The following B3GALT4 variants were observed in gnomAD, a reference collection of about 807,000 sequenced individuals.
B3GALT4 encodes UDP-Gal:betaGlcNAc beta 1,3-galactosyltransferase 4.
In B3GALT4, 1 loss-of-function variant was observed where a neutral mutation model predicts 1.6. The observed-to-expected ratio is 0.64, with a 90% CI of 0.23 to 3.05. The LOEUF (loss-of-function observed/expected upper bound fraction) is 3.05, where lower values mean the gene tolerates loss of function less well. Among genes scored for constraint, B3GALT4 ranks in the 30% most tolerant of loss-of-function variants. The pLI, the probability that B3GALT4 is intolerant of heterozygous loss-of-function variation, is 0.21. For missense variants in B3GALT4, 441 were observed against 486.9 expected (o/e 0.91, Z 0.89); for synonymous variants, 259 against 222.6 (o/e 1.16, Z -1.46).
chr6:33,278,236 G>C lies in B3GALT4; in HGVS notation c.817G>C (p.Ala273Pro), dbSNP rs1765802970. The C allele has an allele frequency of 1.2e-6, 2 of 1,612,730 alleles. No individual in the cohort carries two copies. Among genetic ancestry groups the C allele is most frequent in the Non-Finnish European group, 1.7e-6 (2 of 1,180,020 alleles). The change falls in exon 1 of 1, where the codon GCT (alanine) becomes CCT (proline). Residue 273 changes from alanine (A) to proline (P), a missense_variant. Transcript: ENST00000451237. This position sits in a 1 kb window ranked among gnomAD's most constrained non-coding sequence, Gnocchi z 5.2. ...SGTGYVLSASAVQLILKVASR... is the reference protein window; with the variant it reads ...SGTGYVLSASPVQLILKVASR... ...CACGGGGTATGTGCTGTCAGCGTCTGCTGTGCAGCTCATTCTCAAGGTGGC... is the reference window on the plus strand; with the variant it reads ...CACGGGGTATGTGCTGTCAGCGTCTCCTGTGCAGCTCATTCTCAAGGTGGC...
Position 33,278,180 on chromosome 6 carries a change from C to G in B3GALT4, c.761C>G (p.Thr254Ser). Residue 254 changes from threonine (T) to serine (S), a missense_variant, in exon 1 of 1, where the codon ACC (threonine) becomes AGC (serine). Thr to Ser is a moderately conservative substitution (Grantham distance 58). Coordinates refer to ENST00000451237, the MANE Select transcript of B3GALT4 (RefSeq NM_003782.4). This position sits in a 1 kb window ranked among gnomAD's most constrained non-coding sequence, Gnocchi z 5.2. ...HRVSEEQWPH[T>S]WGPFPPYASG... ...GTATCAGAGGAGCAGTGGCCTCACA[C>G]CTGGGGCCCCTTTCCACCCTATGCC... 1 of 1,612,542 alleles carries G rather than the reference C, an allele frequency of 6.2e-7. No individual in the cohort carries two copies. Among genetic ancestry groups the G allele is most frequent in the Non-Finnish European group, 8.5e-7 (1 of 1,179,932 alleles).
In B3GALT4 at chr6:33,277,972, C is replaced by A. The variant is rs1237283906; in HGVS notation, c.553C>A (p.Leu185Met). ...TGATGTGTATGTCAACGTCCCTGAA[C>A]TGGTATCAGAGCTGGTCTTGCGAGG... ...DDDVYVNVPELVSELVLRGGR... is the reference protein window; with the variant it reads ...DDDVYVNVPEMVSELVLRGGR... The change falls in exon 1 of 1, where the codon CTG becomes ATG. Residue 185 changes from leucine to methionine, a missense_variant. Physicochemically the swap from Leu to Met is conservative, Grantham distance 15. Coordinates refer to ENST00000451237, the MANE Select transcript of B3GALT4 (RefSeq NM_003782.4). The surrounding 1 kb of genome is among the most constrained non-coding windows in gnomAD (Gnocchi z 5.3). The A allele has an allele frequency of 1.2e-6, 2 of 1,614,196 alleles. No individual in the cohort carries two copies. The highest frequency in any genetic ancestry group is 3.3e-5 in the Admixed American group (2 of 60,038).
In B3GALT4 at chr6:33,277,247, C is replaced by T. The variant is rs1227322977; in HGVS notation, c.-173C>T. On this transcript the variant is annotated 5_prime_UTR_variant, in exon 1 of 1. Transcript: ENST00000451237. This position sits in a 1 kb window ranked among gnomAD's most constrained non-coding sequence, Gnocchi z 5.3. ...AGCCACCCCCGCAGCATGCCTCGAC[C>T]GCGGTCCGCAGCTGCACCGCCTCTC... The T allele has an allele frequency of 1.7e-6, 2 of 1,205,118 alleles. No homozygotes were observed. Among genetic ancestry groups the T allele is most frequent in the Non-Finnish European group, 1.1e-6 (1 of 900,194 alleles). The allele number at this position is 1,205,118 out of a possible 1,614,324, so 74.7% of individuals were successfully genotyped here. A position where few individuals can be genotyped will look rare whatever the true frequency, so the allele number is the denominator to read the frequency against.
In B3GALT4 at chr6:33,278,339, A is replaced by C. The variant is rs748229218; in HGVS notation, c.920A>C (p.Gln307Pro). Residue 307 changes from glutamine to proline, a missense_variant, in exon 1 of 1, where the codon CAG (glutamine) becomes CCG (proline). Transcript: ENST00000451237. The surrounding 1 kb of genome is among the most constrained non-coding windows in gnomAD (Gnocchi z 5.2). ...SARRGGLAPT[Q>P]CVKLAGATHY... ...CGACGAGGAGGCCTCGCCCCAACACAGTGTGTCAAGCTGGCTGGTGCCACC... is the reference window on the plus strand; with the variant it reads ...CGACGAGGAGGCCTCGCCCCAACACCGTGTGTCAAGCTGGCTGGTGCCACC... The C allele has an allele frequency of 6.2e-7, 1 of 1,609,932 alleles. No individual in the cohort carries two copies. Among genetic ancestry groups the C allele is most frequent in the Non-Finnish European group, 8.5e-7 (1 of 1,177,282 alleles).
rs993522064 is a variant in B3GALT4 at position 33,278,465 on chromosome 6, C to T, written c.1046C>T (p.Ser349Phe). 3 of 1,610,042 alleles carry T rather than the reference C, an allele frequency of 1.9e-6. No individual in the cohort carries two copies. Among genetic ancestry groups the T allele is most frequent in the Non-Finnish European group, 2.5e-6 (3 of 1,177,696 alleles). ...GAAGCCTGGAAGCTGGTGGGTGGCT[C>T]TGACGGGGAAAGGACTGCGCCCTTT... Reference protein sequence around the residue: ...MQEAWKLVGGSDGERTAPFCS... With the variant: ...MQEAWKLVGGFDGERTAPFCS... The change falls in exon 1 of 1, where the codon TCT (serine) becomes TTT (phenylalanine). Residue 349 changes from serine (S) to phenylalanine (F), a missense_variant. By Grantham distance (155) the Ser-to-Phe change is radical. Transcript: ENST00000451237. The surrounding 1 kb of genome is among the most constrained non-coding windows in gnomAD (Gnocchi z 5.2).
At position 33,277,141 on chromosome 6, in the gene B3GALT4, A is replaced by C; in HGVS notation, c.-279A>C. The C allele has an allele frequency of 2.5e-6, 1 of 393,894 alleles. No individual in the cohort carries two copies. Among genetic ancestry groups the C allele is most frequent in the Non-Finnish European group, 4.4e-6 (1 of 227,282 alleles). The allele number at this position is 393,894 out of a possible 1,614,324, so 24.4% of individuals were successfully genotyped here. ...GGGCGGCAGACCGGCCGCCGGGGCG[A>C]GGCGGGGGAGGGGCCGTGAGTGCCG... On this transcript the variant is annotated 5_prime_UTR_variant, in exon 1 of 1. Transcript: ENST00000451237. The surrounding 1 kb of genome is among the most constrained non-coding windows in gnomAD (Gnocchi z 5.3).
chr6:33,277,278 C>T lies in B3GALT4; in HGVS notation c.-142C>T, dbSNP rs1251929333. On this transcript the variant is annotated 5_prime_UTR_variant, in exon 1 of 1. Coordinates refer to ENST00000451237, the MANE Select transcript of B3GALT4 (RefSeq NM_003782.4). This position sits in a 1 kb window ranked among gnomAD's most constrained non-coding sequence, Gnocchi z 5.3. ...CCGCAGCTGCACCGCCTCTCCCCGC[C>T]CCCCAGGGTGCGCTGGTCCCGGTCG... 2 of 1,441,450 alleles carry T rather than the reference C, an allele frequency of 1.4e-6. No individual in the cohort carries two copies. The highest frequency in any genetic ancestry group is 2.5e-5 in the Admixed American group (1 of 39,288). 89.3% of individuals were successfully genotyped at this position (1,441,450 alleles called of 1,614,324 possible). A position where few individuals can be genotyped will look rare whatever the true frequency, so the allele number is the denominator to read the frequency against.
chr6:33,277,541 T>C lies in B3GALT4; in HGVS notation c.122T>C (p.Leu41Pro). The change falls in exon 1 of 1, where the codon CTC becomes CCC. Residue 41 changes from leucine to proline, a missense_variant. Physicochemically the swap from Leu to Pro is moderately conservative, Grantham distance 98. Coordinates refer to ENST00000451237, the MANE Select transcript of B3GALT4 (RefSeq NM_003782.4). This position sits in a 1 kb window ranked among gnomAD's most constrained non-coding sequence, Gnocchi z 5.3. ...ELLSLSLASL[L>P]PAPASPGPPL... Reference sequence around the variant, plus strand: ...CTGAGCCTCTCACTAGCCTCCCTGCTCCCAGCCCCCGCCTCACCGGGGCCG... The same window carrying C: ...CTGAGCCTCTCACTAGCCTCCCTGCCCCCAGCCCCCGCCTCACCGGGGCCG... 1 of 1,611,628 alleles carries C rather than the reference T, an allele frequency of 6.2e-7. No homozygotes were observed. The highest frequency in any genetic ancestry group is 1.7e-4 in the Middle Eastern group (1 of 5,968).
Position 33,278,165 on chromosome 6 carries a change from A to G in B3GALT4, c.746A>G (p.Glu249Gly), listed in dbSNP as rs1351778568. The G allele has an allele frequency of 6.2e-7, 1 of 1,612,932 alleles. No homozygotes were observed. Among genetic ancestry groups the G allele is most frequent in the African/African-American group, 1.3e-5 (1 of 74,884 alleles). The change falls in exon 1 of 1, where the codon GAG becomes GGG. Residue 249 changes from glutamate to glycine, a missense_variant. Coordinates refer to ENST00000451237, the MANE Select transcript of B3GALT4 (RefSeq NM_003782.4). This position sits in a 1 kb window ranked among gnomAD's most constrained non-coding sequence, Gnocchi z 5.2. ...GGGGGCAGGCACCGCGTATCAGAGG[A>G]GCAGTGGCCTCACACCTGGGGCCCC... Reference protein sequence around the residue: ...TPGGRHRVSEEQWPHTWGPFP... With the variant: ...TPGGRHRVSEGQWPHTWGPFP...
In B3GALT4 at chr6:33,278,701, G is replaced by A; in HGVS notation, c.*145G>A. On this transcript the variant is annotated 3_prime_UTR_variant, in exon 1 of 1. Coordinates refer to ENST00000451237, the MANE Select transcript of B3GALT4 (RefSeq NM_003782.4). The surrounding 1 kb of genome is among the most constrained non-coding windows in gnomAD (Gnocchi z 5.2). ...AGACAGCGATATGGGAGACACCCAG[G>A]GGCCTGGCCCGCCAGCCCAAAAGAT... The A allele has an allele frequency of 7.6e-7, 1 of 1,322,526 alleles. No individual in the cohort carries two copies. Among genetic ancestry groups the A allele is most frequent in the Non-Finnish European group, 9.8e-7 (1 of 1,024,778 alleles). The allele number at this position is 1,322,526 out of a possible 1,614,324, so 81.9% of individuals were successfully genotyped here.
In B3GALT4 at chr6:33,278,217, G is replaced by A. The variant is rs755413867; in HGVS notation, c.798G>A (p.Gly266=). 2.5e-5 allele frequency: 40 copies of A among 1,612,130 alleles called. No individual in the cohort carries two copies. Among genetic ancestry groups the A allele is most frequent in the Admixed American group, 1.0e-4 (6 of 60,010 alleles). The change falls in exon 1 of 1, where the codon GGG becomes GGA. Residue 266 remains glycine (G), a synonymous_variant. Transcript: ENST00000451237. This position sits in a 1 kb window ranked among gnomAD's most constrained non-coding sequence, Gnocchi z 5.2. ...TTCCACCCTATGCCTCAGGCACGGG[G>A]TATGTGCTGTCAGCGTCTGCTGTGC... ...GPFPPYASGT[G]YVLSASAVQL...
rs1424845342 is a variant in B3GALT4, at chr6:33,278,136, A to T, written c.717A>T (p.Thr239=). The part of the protein sequence containing the change: ...RVHWRVNPSR[T]PGGRHRVSEE... Reference sequence around the variant, plus strand: ...ACTGGCGCGTGAACCCCTCTCGGACACCGGGGGGCAGGCACCGCGTATCAG... The same window carrying T: ...ACTGGCGCGTGAACCCCTCTCGGACTCCGGGGGGCAGGCACCGCGTATCAG... Residue 239 remains threonine, a synonymous_variant, in exon 1 of 1, where the codon ACA becomes ACT. Coordinates refer to ENST00000451237, the MANE Select transcript of B3GALT4 (RefSeq NM_003782.4). This position sits in a 1 kb window ranked among gnomAD's most constrained non-coding sequence, Gnocchi z 5.2. 3.7e-6 allele frequency: 6 copies of T among 1,613,640 alleles called. No homozygotes were observed. Among genetic ancestry groups the T allele is most frequent in the Non-Finnish European group, 5.1e-6 (6 of 1,179,948 alleles).
In B3GALT4 at chr6:33,277,418, C is replaced by A; in HGVS notation, c.-2C>A. The A allele has an allele frequency of 3.7e-6, 6 of 1,610,378 alleles. No individual in the cohort carries two copies. Among genetic ancestry groups the A allele is most frequent in the Non-Finnish European group, 5.1e-6 (6 of 1,179,704 alleles). On this transcript the variant is annotated 5_prime_UTR_variant, in exon 1 of 1. Coordinates refer to ENST00000451237, the MANE Select transcript of B3GALT4 (RefSeq NM_003782.4). The surrounding 1 kb of genome is among the most constrained non-coding windows in gnomAD (Gnocchi z 5.3). Reference sequence around the variant, plus strand: ...ACGGATCCCCTCGGAGTACGCCGCACCATGCAGCTCAGGCTCTTCCGGCGC... The same window carrying A: ...ACGGATCCCCTCGGAGTACGCCGCAACATGCAGCTCAGGCTCTTCCGGCGC...
chr6:33,278,735 G>A lies in B3GALT4; in HGVS notation c.*179G>A. On this transcript the variant is annotated 3_prime_UTR_variant, in exon 1 of 1. Transcript: ENST00000451237. This position sits in a 1 kb window ranked among gnomAD's most constrained non-coding sequence, Gnocchi z 5.2. ...CCGCCAGCCCAAAAGATGGTCATCG[G>A]GAAGAGAAAAAGAAAAAAATGCTGC... 8.4e-7 allele frequency: 1 copy of A among 1,196,768 alleles called. No homozygotes were observed. The highest frequency in any genetic ancestry group is 1.1e-6 in the Non-Finnish European group (1 of 916,698). 74.1% of individuals were successfully genotyped at this position (1,196,768 alleles called of 1,614,324 possible).
At position 33,277,975 on chromosome 6, in the gene B3GALT4, G is replaced by A. The variant is rs751760900; in HGVS notation, c.556G>A (p.Val186Ile). 1 of 1,614,204 alleles carries A rather than the reference G, an allele frequency of 6.2e-7. No individual in the cohort carries two copies. Among genetic ancestry groups the A allele is most frequent in the South Asian group, 1.1e-5 (1 of 91,088 alleles). ...DDVYVNVPEL[V>I]SELVLRGGRW... is the part of the protein sequence containing the mutation. ...TGTGTATGTCAACGTCCCTGAACTG[G>A]TATCAGAGCTGGTCTTGCGAGGGGG... Residue 186 changes from valine (V) to isoleucine (I), a missense_variant, in exon 1 of 1, where the codon GTA becomes ATA. Physicochemically the swap from Val to Ile is conservative, Grantham distance 29 (BLOSUM62 3). Transcript: ENST00000451237. This position sits in a 1 kb window ranked among gnomAD's most constrained non-coding sequence, Gnocchi z 5.3.
chr6:33,277,234 A>G lies in B3GALT4; in HGVS notation c.-186A>G, dbSNP rs890051670. 1.9e-6 allele frequency: 2 copies of G among 1,040,662 alleles called. No individual in the cohort carries two copies. Among genetic ancestry groups the G allele is most frequent in the South Asian group, 1.8e-5 (1 of 56,738 alleles). 64.5% of individuals were successfully genotyped at this position (1,040,662 alleles called of 1,614,324 possible). On this transcript the variant is annotated 5_prime_UTR_variant, in exon 1 of 1. Coordinates refer to ENST00000451237, the MANE Select transcript of B3GALT4 (RefSeq NM_003782.4). This position sits in a 1 kb window ranked among gnomAD's most constrained non-coding sequence, Gnocchi z 5.3. Reference sequence around the variant, plus strand: ...GCGGCGACAAGGTAGCCACCCCCGCAGCATGCCTCGACCGCGGTCCGCAGC... The same window carrying G: ...GCGGCGACAAGGTAGCCACCCCCGCGGCATGCCTCGACCGCGGTCCGCAGC...
chr6:33,277,806 C>G lies in B3GALT4; in HGVS notation c.387C>G (p.Ala129=). 1 of 1,613,762 alleles carries G rather than the reference C, an allele frequency of 6.2e-7. No individual in the cohort carries two copies. Among genetic ancestry groups the G allele is most frequent in the African/African-American group, 1.3e-5 (1 of 75,052 alleles). ...GGGGTTCCCAGGGGAGTGACCTGGC[C>G]TCGGAGTCAGCAGCCCAGGGGGATA... ...PVWGSQGSDL[A]SESAAQGDIL... The change falls in exon 1 of 1, where the codon GCC becomes GCG. Residue 129 remains alanine, a synonymous_variant. Transcript: ENST00000451237. The surrounding 1 kb of genome is among the most constrained non-coding windows in gnomAD (Gnocchi z 5.3).
rs773048290 is a variant in B3GALT4 at position 33,277,925 on chromosome 6, G to A, written c.506G>A (p.Arg169Gln). The A allele has an allele frequency of 1.9e-6, 3 of 1,614,204 alleles. No individual in the cohort carries two copies. Among genetic ancestry groups the A allele is most frequent in the South Asian group, 2.2e-5 (2 of 91,080 alleles). ...GCTGAGAAACACTGCCCCATGGCCC[G>A]ATACGTCCTCAAGACGGACGATGAT... The part of the protein sequence containing the change: ...NWAEKHCPMA[R>Q]YVLKTDDDVY... The change falls in exon 1 of 1, where the codon CGA becomes CAA. Residue 169 changes from arginine (R) to glutamine (Q), a missense_variant. Transcript: ENST00000451237. This position sits in a 1 kb window ranked among gnomAD's most constrained non-coding sequence, Gnocchi z 5.3.
At position 33,277,441 on chromosome 6, in the gene B3GALT4, C is replaced by G. The variant is rs1050202582; in HGVS notation, c.22C>G (p.Arg8Gly). The change falls in exon 1 of 1, where the codon CGC (arginine) becomes GGC (glycine). Residue 8 changes from arginine (R) to glycine (G), a missense_variant. Arg to Gly is a moderately radical substitution (Grantham distance 125). Coordinates refer to ENST00000451237, the MANE Select transcript of B3GALT4 (RefSeq NM_003782.4). This position sits in a 1 kb window ranked among gnomAD's most constrained non-coding sequence, Gnocchi z 5.3. ...CACCATGCAGCTCAGGCTCTTCCGG[C>G]GCCTCCTTCTCGCCGCTTTGCTGCT... is the stretch of plus-strand genomic sequence containing the variant. MQLRLFRRLLLAALLLVI... is the reference protein window; with the variant it reads MQLRLFRGLLLAALLLVI... 1.2e-5 allele frequency: 20 copies of G among 1,611,912 alleles called. No homozygotes were observed. Among genetic ancestry groups the G allele is most frequent in the Non-Finnish European group, 1.7e-5 (20 of 1,179,980 alleles).
Sources: allele counts gnomAD v4.1 joint callset, GRCh38; gene constraint gnomAD v4.1.1; non-coding constraint Gnocchi (gnomAD v3.1); transcripts MANE v1.5; gene names NCBI Gene and HGNC (gene_info 2026-07-23, HGNC 2026-07-21).